MAN1A1: variants seen among roughly 807,000 people sequenced by gnomAD.
The protein encoded by MAN1A1 is mannosyl-oligosaccharide 1,2-alpha-mannosidase IA.
A neutral mutation model predicts 70.8 loss-of-function variants in MAN1A1; 29 were observed. The ratio of observed to expected loss-of-function variants is 0.41; its 90% CI spans 0.31 to 0.56. The LOEUF (loss-of-function observed/expected upper bound fraction) is 0.56. Ranked by LOEUF, MAN1A1 falls within the 20% of genes least tolerant of loss-of-function variation. The pLI is 0.29. For missense variants in MAN1A1, 747 were observed against 841.3 expected (o/e 0.89, Z 1.39); for synonymous variants, 349 against 330.1 (o/e 1.06, Z -0.62).
intron 5 of MAN1A1, among the ~76,000 whole-genome samples, chr6:119,249,618 A>G (rs1303113274): frequency 6.6e-6 from 1 of 152,120 alleles, no homozygotes; most frequent in Non-Finnish European, 1.5e-5. Context: ...CTGGGGAAGC[A>G]TTCACTAAAG....
chr6:119,210,729 G>C (rs748123471), intron 6 of MAN1A1, among the ~76,000 whole-genome samples: 9 of 150,804 alleles, frequency 6.0e-5, no homozygotes, highest in Non-Finnish European at 1.2e-4. Flanking sequence ...GCTAACTTAT[G>C]TTCAGACAAA....
chr6:119,193,484 T>C (rs1773493438), intron 9 of MAN1A1, among the ~76,000 whole-genome samples: 2 of 152,188 alleles, frequency 1.3e-5, no homozygotes, highest in African/African-American at 4.8e-5. Flanking sequence ...CCCTGCATAA[T>C]TTAAATTGTG....
chr6:119,331,595 ATAT>A (rs1227389107), intron 2 of MAN1A1, among the ~76,000 whole-genome samples: 6 of 147,116 alleles, frequency 4.1e-5, no homozygotes, highest in Non-Finnish European at 6.0e-5. Flanking sequence ...ATATATATAT[ATAT>A]AATCAAGGGG....
At chr6:119,180,548 C>T in intron 11 of MAN1A1, 121 bp from the exon 12 acceptor site, 1 of 586,098 alleles carries the variant, frequency 1.7e-6, no homozygotes, top group Non-Finnish European at 3.0e-6. Context: ...GGGCCTCACT[C>T]TGTTGCCTGG....
At chr6:119,336,960 AAAAAT>A in intron 2 of MAN1A1, among the ~76,000 whole-genome samples, 2 of 152,348 alleles carry the variant, frequency 1.3e-5, no homozygotes, top group South Asian at 4.1e-4. Flanking sequence ...TATCTAAAAA[AAAAAT>A]ACTGGCTGTA....
chr6:119,196,886 C>A (rs1407273511), intron 8 of MAN1A1, among the ~76,000 whole-genome samples: 1 of 152,126 alleles, frequency 6.6e-6, no homozygotes, highest in African/African-American at 2.4e-5. Flanking sequence ...AGACAGGAAA[C>A]CCTGCCATCT....
intron 5 of MAN1A1, among the ~76,000 whole-genome samples, chr6:119,253,459 G>A (rs778909978): frequency 1.7e-4 from 26 of 152,250 alleles, no homozygotes; most frequent in Middle Eastern, 6.8e-3. Flanking sequence ...ATGAAGTTTT[G>A]TCTCATCTGC....
intron 6 of MAN1A1, among the ~76,000 whole-genome samples, chr6:119,232,387 A>AAG (rs1554206643): frequency 7.9e-5 from 12 of 151,106 alleles, no homozygotes; most frequent in Admixed American, 2.0e-4. Context: ...AAAAAAAAAA[A>AAG]AAAAAGAAAA....
chr6:119,297,546 T>C (rs527286107), intron 4 of MAN1A1, among the ~76,000 whole-genome samples: 2 of 152,242 alleles, frequency 1.3e-5, no homozygotes, highest in African/African-American at 2.4e-5. Flanking sequence ...TTAGGCAGAC[T>C]GTGTTCAAAC....
chr6:119,289,227 C>T (rs767957237), intron 5 of MAN1A1, among the ~76,000 whole-genome samples: 2 of 151,698 alleles, frequency 1.3e-5, no homozygotes, highest in South Asian at 4.1e-4. Context: ...CCTAATTGAG[C>T]CCAGACACAA....
At chr6:119,194,109 T>C (rs940798965) in intron 8 of MAN1A1, among the ~76,000 whole-genome samples, 1 of 152,196 alleles carries the variant, frequency 6.6e-6, no homozygotes, top group Non-Finnish European at 1.5e-5. Context: ...CAGAGTAGTT[T>C]TGTAAACATG....
intron 6 of MAN1A1, among the ~76,000 whole-genome samples, chr6:119,227,037 A>G (rs141212683): frequency 2.4e-4 from 36 of 152,348 alleles, no homozygotes; most frequent in Middle Eastern, 6.8e-3. Flanking sequence ...ACAAACATCC[A>G]TAAACAGGAG....
chr6:119,194,814 T>C (rs572911744), intron 8 of MAN1A1, among the ~76,000 whole-genome samples: 1,043 of 68,506 alleles, frequency 0.015, 11 homozygotes, highest in African/African-American at 0.031. Flanking sequence ...CTCACAACTG[T>C]AGGATAGGTA....
intron 6 of MAN1A1, among the ~76,000 whole-genome samples, chr6:119,208,054 A>G (rs1773930588): frequency 6.6e-6 from 1 of 152,218 alleles, no homozygotes; most frequent in South Asian, 2.1e-4. Flanking sequence ...CATTAGTTCC[A>G]TAAGACAGGC....
chr6:119,255,616 C>T (rs1174358292), intron 5 of MAN1A1, among the ~76,000 whole-genome samples: 1 of 152,196 alleles, frequency 6.6e-6, no homozygotes, highest in East Asian at 1.9e-4. Context: ...CATCTAGTTC[C>T]ATAATCTGAT....
intron 7 of MAN1A1, among the ~76,000 whole-genome samples, chr6:119,202,777 C>T (rs1773748628): frequency 6.6e-6 from 1 of 152,114 alleles, no homozygotes; most frequent in Non-Finnish European, 1.5e-5. Flanking sequence ...TTAAGTAACA[C>T]CTAACTGTAT....
At chr6:119,228,647 T>C (rs116763418) in intron 6 of MAN1A1, among the ~76,000 whole-genome samples, 2,539 of 152,140 alleles carry the variant, frequency 0.017, 60 homozygotes, top group African/African-American at 0.058. Context: ...CACAATGATA[T>C]GAAATTCAGA....
chr6:119,180,869 T>C (rs1395783972), intron 11 of MAN1A1, among the ~76,000 whole-genome samples: 1 of 151,678 alleles, frequency 6.6e-6, no homozygotes, highest in African/African-American at 2.4e-5. Flanking sequence ...TTATAGAGTT[T>C]TAGGTAAAAA....
rs765310918 is a variant in MAN1A1, at chr6:119,348,950, G to A, written c.116C>T (p.Thr39Met). ...TACCAGCAGCAGCACGAACTTCTCC[G>A]TCAGGCGGAGGGCGGCGGGGCCCGA... The part of the protein sequence containing the change: ...KGSGPAALRL[T>M]EKFVLLLVFS... Residue 39 changes from threonine to methionine, a missense_variant, in exon 2 of 13, where the codon ACG (threonine) becomes ATG (methionine). Thr to Met is a moderately conservative substitution (Grantham distance 81). Coordinates refer to ENST00000368468, the MANE Select transcript of MAN1A1 (RefSeq NM_005907.4). The A allele has an allele frequency of 3.9e-6, 6 of 1,529,472 alleles. No homozygotes were observed. Among genetic ancestry groups the A allele is most frequent in the Non-Finnish European group, 5.3e-6 (6 of 1,138,024 alleles). The allele number at this position is 1,529,472 out of a possible 1,614,324, so 94.7% of individuals were successfully genotyped here.
Sources: allele counts gnomAD v4.1 joint callset (sites outside exome capture counted in the v4.1 genomes callset), GRCh38; gene constraint gnomAD v4.1.1; transcripts MANE v1.5; gene names NCBI Gene and HGNC (gene_info 2026-07-23, HGNC 2026-07-21).